MVB12B: variants seen among roughly 807,000 people sequenced by gnomAD.
MVB12B encodes the protein multivesicular body subunit 12B, also known as ESCRT-I complex subunit MVB12B.
MVB12B carries 16 observed loss-of-function variants against 41.6 expected under a neutral mutation model. That is an observed-to-expected ratio of 0.38 (90% CI 0.26 to 0.58). MVB12B has a LOEUF of 0.58. MVB12B is among the 20% of genes least tolerant of loss of function. The pLI, the probability that MVB12B is intolerant of heterozygous loss-of-function variation, is 0.62. For synonymous variants in MVB12B, 133 were observed against 139.7 expected (o/e 0.95, Z 0.34); for missense variants, 274 against 380.2 (o/e 0.72, Z 2.32).
intron 9 of MVB12B, among the ~76,000 whole-genome samples, chr9:126,500,066 G>A (rs1348805405): frequency 1.3e-5 from 2 of 152,124 alleles, no homozygotes. Context: ...GAAAGCTCCC[G>A]CTAGGCCCGG....
chr9:126,360,813 T>C (rs567513415), intron 2 of MVB12B, among the ~76,000 whole-genome samples: 22 of 152,324 alleles, frequency 1.4e-4, no homozygotes, highest in Admixed American at 4.6e-4. Context: ...ATTGACCCCT[T>C]CATCATTATT....
At chr9:126,415,745 G>A (rs1053050424) in intron 6 of MVB12B, among the ~76,000 whole-genome samples, 5 of 152,040 alleles carry the variant, frequency 3.3e-5, no homozygotes, top group African/African-American at 7.2e-5. Flanking sequence ...CATTGTTCTC[G>A]CCCCTGGGGA....
Position 126,388,578 on chromosome 9 carries a change from G to A in MVB12B, c.409+1920G>A, listed in dbSNP as rs756971508. ...AGTCATGGAATTGCTGGGTCATATG[G>A]TAACTTGGTATTTTTGAGGAACTAT... On this transcript the variant is annotated intron_variant, in intron 4 of 9. Transcript: ENST00000361171. Among the ~76,000 whole-genome samples, 8 of 152,164 alleles carry A rather than the reference G, an allele frequency of 5.3e-5. No individual in the cohort carries two copies. In the South Asian group the frequency reaches 6.2e-4, roughly 12 times the overall value.
chr9:126,339,403 T>G (rs1829375136), intron 1 of MVB12B, among the ~76,000 whole-genome samples: 1 of 152,196 alleles, frequency 6.6e-6, no homozygotes, highest in Non-Finnish European at 1.5e-5. Flanking sequence ...GGAATTTGAC[T>G]TGCTCTTTTT....
At chr9:126,416,001 A>G (rs1379133869) in intron 6 of MVB12B, among the ~76,000 whole-genome samples, 2 of 152,232 alleles carry the variant, frequency 1.3e-5, no homozygotes, top group African/African-American at 4.8e-5. Flanking sequence ...AAAAGCGGCT[A>G]CTGAGGTTGG....
chr9:126,433,162 T>C (rs184845588), intron 7 of MVB12B, among the ~76,000 whole-genome samples: 44 of 152,012 alleles, frequency 2.9e-4, no homozygotes, highest in African/African-American at 9.7e-4. Flanking sequence ...AAAATGGGGG[T>C]GACGGTGACT....
At chr9:126,493,115 G>A (rs975553427) in intron 9 of MVB12B, among the ~76,000 whole-genome samples, 1 of 151,834 alleles carries the variant, frequency 6.6e-6, no homozygotes, top group African/African-American at 2.4e-5. Context: ...AATGTTCGTG[G>A]GCAATTTTCT....
intron 9 of MVB12B, among the ~76,000 whole-genome samples, chr9:126,493,165 A>T (rs1042928166): frequency 2.0e-5 from 3 of 152,098 alleles, no homozygotes; most frequent in Non-Finnish European, 4.4e-5. Context: ...GATTATGAAA[A>T]CATTCACCCC....
Position 126,337,602 on chromosome 9 carries a change from T to C in MVB12B, c.82-2906T>C, listed in dbSNP as rs541486891. ...CAGACCTAGGGAGGAAGACCAGCCG[T>C]CCCATTCCTGGAAGGTGACCCGGCC... On this transcript the variant is annotated intron_variant, in intron 1 of 9. Coordinates refer to ENST00000361171, the MANE Select transcript of MVB12B (RefSeq NM_033446.3). 4.6e-5 allele frequency among the ~76,000 whole-genome samples: 7 copies of C among 152,244 alleles called. No homozygotes were observed. In the South Asian group the frequency reaches 1.5e-3, roughly 32 times the overall value.
At chr9:126,329,202 A>C (rs116211478) in intron 1 of MVB12B, among the ~76,000 whole-genome samples, 79 of 152,270 alleles carry the variant, frequency 5.2e-4, no homozygotes, top group African/African-American at 1.8e-3. Context: ...AGGTGACCCT[A>C]GGGGAGTCAC....
intron 1 of MVB12B, among the ~76,000 whole-genome samples, chr9:126,338,232 C>T (rs1040574776): frequency 2.6e-5 from 4 of 152,262 alleles, no homozygotes; most frequent in Non-Finnish European, 4.4e-5. Context: ...CTGCGCGCAG[C>T]TCTGCAGGGC....
At chr9:126,479,918 C>A (rs1314659557) in intron 7 of MVB12B, among the ~76,000 whole-genome samples, 1 of 152,190 alleles carries the variant, frequency 6.6e-6, no homozygotes, top group African/African-American at 2.4e-5. Flanking sequence ...AGGATCCGTT[C>A]CAGGTTTTTT....
At chr9:126,349,370 G>C (rs550620918) in intron 2 of MVB12B, among the ~76,000 whole-genome samples, 2 of 152,274 alleles carry the variant, frequency 1.3e-5, no homozygotes, top group African/African-American at 4.8e-5. Context: ...AGGAGGGGCA[G>C]TCCCTCCCTG....
intron 2 of MVB12B, among the ~76,000 whole-genome samples, chr9:126,363,768 C>T (rs528538748): frequency 6.6e-6 from 1 of 152,304 alleles, no homozygotes; most frequent in South Asian, 2.1e-4. Context: ...TCTGCCCCCA[C>T]TCACAGTTCC....
chr9:126,416,635 C>T (rs938960851), intron 6 of MVB12B, among the ~76,000 whole-genome samples: 3 of 152,154 alleles, frequency 2.0e-5, no homozygotes, highest in Admixed American at 1.3e-4. Context: ...TCTAACATAG[C>T]GATAACCACC....
intron 6 of MVB12B, among the ~76,000 whole-genome samples, chr9:126,412,820 A>AC (rs1411746826): frequency 6.6e-6 from 1 of 152,168 alleles, no homozygotes; most frequent in African/African-American, 2.4e-5. Flanking sequence ...TGTTTATAAT[A>AC]CATCATTCTG....
Position 126,360,244 on chromosome 9 carries a change from G to C in MVB12B, c.204+19614G>C, listed in dbSNP as rs577544308. Among the ~76,000 whole-genome samples, 3 of 152,164 alleles carry C rather than the reference G, an allele frequency of 2.0e-5. 1 individual carries two copies. Among genetic ancestry groups the C allele is most frequent in the South Asian group, 4.2e-4 (2 of 4,816 alleles). ...TTTGGGGACTTCTAGATATGTTTCT[G>C]TTACTAAGAATATATTCCGTGTGGT... On this transcript the variant is annotated intron_variant, in intron 2 of 9. Transcript: ENST00000361171.
At position 126,503,414 on chromosome 9, in the gene MVB12B, G is replaced by T; in HGVS notation, c.*151G>T. On this transcript the variant is annotated 3_prime_UTR_variant, in exon 10 of 10. Transcript: ENST00000361171. ...CCGGAGACTGGGCAGCTAAGTGGGC[G>T]CATCCTGTCTTCAGCTGGCCTCACT... 1.6e-6 allele frequency: 1 copy of T among 640,984 alleles called. No homozygotes were observed. The highest frequency in any genetic ancestry group is 2.7e-6 in the Non-Finnish European group (1 of 372,134). 39.7% of individuals were successfully genotyped at this position (640,984 alleles called of 1,614,324 possible).
intron 6 of MVB12B, among the ~76,000 whole-genome samples, chr9:126,418,917 G>A (rs1831910113): frequency 6.6e-6 from 1 of 152,192 alleles, no homozygotes; most frequent in Non-Finnish European, 1.5e-5. Context: ...TTGTAAGCAA[G>A]TGTTCAGGTA....
Sources: allele counts gnomAD v4.1 joint callset (sites outside exome capture counted in the v4.1 genomes callset), GRCh38; gene constraint gnomAD v4.1.1; transcripts MANE v1.5; gene names NCBI Gene and HGNC (gene_info 2026-07-23, HGNC 2026-07-21).